DOP1B: variants seen among roughly 807,000 people sequenced by gnomAD.
DOP1B encodes DOP1 leucine zipper like protein B, also known as protein DOP1B.
DOP1B carries 174 observed loss-of-function variants against 233.5 expected under a neutral mutation model. The ratio of observed to expected loss-of-function variants is 0.75; its 90% CI spans 0.66 to 0.85. The LOEUF (loss-of-function observed/expected upper bound fraction) is 0.85. Among genes scored for constraint, DOP1B ranks in the 40% least tolerant of loss-of-function variants. The pLI is 0.00. For synonymous variants in DOP1B, 1,190 were observed against 1,185.6 expected, an observed-to-expected ratio of 1.00 and a Z score of -0.08; for missense variants, 2,652 against 2,846.6, an observed-to-expected ratio of 0.93 and a Z score of 1.56.
chr21:36,292,477 T>G (rs1056657970), intron 36 of DOP1B, among the ~76,000 whole-genome samples: 1 of 152,012 alleles, frequency 6.6e-6, no homozygotes, highest in Non-Finnish European at 1.5e-5. Context: ...CAGGCTAGAG[T>G]GCAGTGGCAC....
At position 36,225,587 on chromosome 21, in the gene DOP1B, G is replaced by A. The variant is rs371338959; in HGVS notation, c.1393G>A (p.Val465Met). 3.1e-5 allele frequency: 50 copies of A among 1,614,102 alleles called. No homozygotes were observed. Among genetic ancestry groups the A allele is most frequent in the Middle Eastern group, 1.6e-4 (1 of 6,062 alleles). Residue 465 changes from valine to methionine, a missense_variant, in exon 12 of 37, where the codon GTG becomes ATG. This residue lies in a region of DOP1B where 2,617 missense variants were observed against 2,794.3 expected (regional missense o/e 0.94). Transcript: ENST00000691173. ...TAGACCAGTGAAGCAGCGTTACAGCGTGAGGAACAGCGTCAGCCCTCCCCC... is the reference window on the plus strand; with the variant it reads ...TAGACCAGTGAAGCAGCGTTACAGCATGAGGAACAGCGTCAGCCCTCCCCC... The part of the protein sequence containing the change: ...CFRPVKQRYS[V>M]RNSVSPPPTV...
chr21:36,285,070 T>C (rs1313899933), intron 32 of DOP1B, among the ~76,000 whole-genome samples: 4 of 152,204 alleles, frequency 2.6e-5, no homozygotes, highest in Admixed American at 2.6e-4. Context: ...TTTGTTGTTG[T>C]TGGGAGGGGA....
intron 2 of DOP1B, among the ~76,000 whole-genome samples, chr21:36,196,567 T>C (rs1426621245): frequency 6.6e-6 from 1 of 152,130 alleles, no homozygotes; most frequent in East Asian, 1.9e-4. Context: ...TTTTTCACAT[T>C]ATTTTATTAG....
chr21:36,228,475 T>C lies in DOP1B; in HGVS notation c.1665+598T>C, dbSNP rs1191980583. 4.0e-5 allele frequency among the ~76,000 whole-genome samples: 6 copies of C among 149,238 alleles called. No individual in the cohort carries two copies. The East Asian group carries it at 8.0e-4, about 20-fold the overall frequency. ...ACTCCGTTTCAAAAAAAAAAATAAA[T>C]AAAAATAAGGGCTGGGCGCGGTGGC... On this transcript the variant is annotated intron_variant, in intron 13 of 36. Coordinates refer to ENST00000691173, the MANE Select transcript of DOP1B (RefSeq NM_001320714.2).
At chr21:36,237,444 T>G (rs1313785128) in intron 16 of DOP1B, 30 bp downstream of exon 16, 3 of 1,612,060 alleles carry the variant, frequency 1.9e-6, no homozygotes, top group Non-Finnish European at 2.5e-6. Flanking sequence ...ACCTCCATCC[T>G]GCAGCACCCC....
chr21:36,282,533 C>CAG (rs2067429204), intron 32 of DOP1B, among the ~76,000 whole-genome samples: 1 of 152,182 alleles, frequency 6.6e-6, no homozygotes, highest in South Asian at 2.1e-4. Flanking sequence ...CTAGAGTCCT[C>CAG]CTGCAGTCAA....
At chr21:36,264,799 C>T (rs558115405) in intron 26 of DOP1B, among the ~76,000 whole-genome samples, 2 of 152,180 alleles carry the variant, frequency 1.3e-5, no homozygotes, top group Non-Finnish European at 2.9e-5. Context: ...TTTCCTTAAA[C>T]GCCTTATCCC....
intron 20 of DOP1B, 56 bp downstream of exon 20, chr21:36,247,684 G>T: frequency 1.5e-6 from 2 of 1,293,880 alleles, no homozygotes; most frequent in African/African-American, 1.5e-5. Context: ...TTTTGTCTTT[G>T]GGCTATGACT....
intron 4 of DOP1B, among the ~76,000 whole-genome samples, chr21:36,203,223 G>GA (rs1163778290): frequency 6.6e-6 from 1 of 152,162 alleles, no homozygotes; most frequent in Non-Finnish European, 1.5e-5. Flanking sequence ...AGCTGTGACA[G>GA]AAAACCAAAT....
rs550452193 is a variant in DOP1B, at chr21:36,246,424, A to G, written c.4444A>G (p.Ile1482Val). ...GAGAGCCCTGAACTTCCAGCAGGCC[A>G]TCAGCGCCCTGCAGTACGTGCAGCC... ...WQRALNFQQA[I>V]SALQYVQPHP... The change falls in exon 19 of 37, where the codon ATC becomes GTC. Residue 1482 changes from isoleucine to valine, a missense_variant. This residue lies in a region of DOP1B where 2,617 missense variants were observed against 2,794.3 expected (regional missense o/e 0.94). Coordinates refer to ENST00000691173, the MANE Select transcript of DOP1B (RefSeq NM_001320714.2). The surrounding 1 kb of genome is among the most constrained non-coding windows in gnomAD (Gnocchi z 5.1). 2.5e-6 allele frequency: 4 copies of G among 1,613,564 alleles called. No individual in the cohort carries two copies. The highest frequency in any genetic ancestry group is 3.4e-6 in the Non-Finnish European group (4 of 1,179,846).
intron 35 of DOP1B, among the ~76,000 whole-genome samples, chr21:36,290,377 T>C (rs1057071992): frequency 4.0e-5 from 6 of 151,886 alleles, no homozygotes; most frequent in African/African-American, 1.5e-4. Context: ...ACACAAAAAT[T>C]AGGCCAGGTA....
intron 2 of DOP1B, among the ~76,000 whole-genome samples, chr21:36,176,097 C>CATGTGTGT (rs1555886144): frequency 2.1e-5 from 3 of 141,744 alleles, no homozygotes; most frequent in Non-Finnish European, 3.1e-5. Context: ...GGTGTGTGTG[C>CATGTGTGT]GTGTGTGTGT....
chr21:36,201,591 G>C (rs942118338), intron 4 of DOP1B, among the ~76,000 whole-genome samples: 15 of 151,564 alleles, frequency 9.9e-5, no homozygotes, highest in Admixed American at 9.9e-4. Flanking sequence ...CAAGTGATCC[G>C]CCCACCTCAG....
At chr21:36,264,155 G>A (rs895857330) in intron 26 of DOP1B, among the ~76,000 whole-genome samples, 2 of 152,140 alleles carry the variant, frequency 1.3e-5, no homozygotes, top group African/African-American at 2.4e-5. Context: ...ACGCGGTGGC[G>A]CATACTTGTA....
chr21:36,230,389 C>G, intron 13 of DOP1B, 61 bp from the exon 14 acceptor site: 1 of 1,503,502 alleles, frequency 6.7e-7, no homozygotes, highest in South Asian at 1.3e-5. Context: ...ATGATTTCAA[C>G]TGATACTTAA....
intron 4 of DOP1B, among the ~76,000 whole-genome samples, chr21:36,206,991 C>T (rs907545386): frequency 2.6e-5 from 4 of 152,012 alleles, no homozygotes; most frequent in Admixed American, 2.6e-4. Context: ...TAATATAACG[C>T]GATGGTAGAT....
rs557026737 is a variant in DOP1B, at chr21:36,199,723, G to A, written c.320+472G>A. ...GTCCTTGCGATAGTTTGCTGAGAAT[G>A]ATGGTTTCCAGCTTCATCCATGTCC... On this transcript the variant is annotated intron_variant, in intron 3 of 36. Coordinates refer to ENST00000691173, the MANE Select transcript of DOP1B (RefSeq NM_001320714.2). Among the ~76,000 whole-genome samples, 46 of 152,180 alleles carry A rather than the reference G, an allele frequency of 3.0e-4. 1 individual carries two copies. The South Asian group carries it at 8.3e-3, about 28-fold the overall frequency.
At chr21:36,280,760 T>C (rs2067406057) in intron 31 of DOP1B, among the ~76,000 whole-genome samples, 1 of 151,780 alleles carries the variant, frequency 6.6e-6, no homozygotes, top group African/African-American at 2.4e-5. Flanking sequence ...TCCCAGCACT[T>C]TGGGAGGCTG....
chr21:36,182,835 A>G (rs1260717659), intron 2 of DOP1B, among the ~76,000 whole-genome samples: 5 of 152,222 alleles, frequency 3.3e-5, no homozygotes, highest in African/African-American at 1.2e-4. Context: ...TCTAAAAAAG[A>G]AGAGTCAATT....
Sources: gnomAD v4.1 joint callset for allele counts (sites outside exome capture counted in the v4.1 genomes callset) on GRCh38, gnomAD v4.1.1 for gene constraint, gnomAD v4.1.1 regional missense constraint, Gnocchi (gnomAD v3.1) non-coding constraint, MANE v1.5 for transcripts, NCBI Gene and HGNC (gene_info 2026-07-23, HGNC 2026-07-21) for gene names.